Variants in TNS2 observed in about 807,000 individuals in gnomAD.
The protein encoded by TNS2 is tensin-2.
TNS2 carries 77 observed loss-of-function variants against 155.7 expected under a neutral mutation model. The ratio of observed to expected loss-of-function variants is 0.49; its 90% CI spans 0.41 to 0.60. TNS2 has a LOEUF of 0.60. TNS2 is among the 20% of genes least tolerant of loss of function. The pLI is 0.00. For missense variants in TNS2, 1,703 were observed against 1,868.8 expected (o/e 0.91, Z 1.64); for synonymous variants, 726 against 763.9 (o/e 0.95, Z 0.82).
rs1028019642 is a variant in TNS2, at chr12:53,059,454, C to T, written c.1813C>T (p.Pro605Ser). 11 of 1,512,038 alleles carry T rather than the reference C, an allele frequency of 7.3e-6. No homozygotes were observed. The highest frequency in any genetic ancestry group is 8.8e-6 in the Non-Finnish European group (10 of 1,135,234). The allele number at this position is 1,512,038 out of a possible 1,614,324, so 93.7% of individuals were successfully genotyped here. A position where few individuals can be genotyped will look rare whatever the true frequency, so the allele number is the denominator to read the frequency against. ...RQGYREPCGV[P>S]NGGYYRPEGT... ...GGGCTACCGGGAGCCCTGCGGGGTTCCCAATGGGGGCTACTACCGGCCAGA... is the reference window on the plus strand; with the variant it reads ...GGGCTACCGGGAGCCCTGCGGGGTTTCCAATGGGGGCTACTACCGGCCAGA... The change falls in exon 18 of 29, where the codon CCC becomes TCC. Residue 605 changes from proline (P) to serine (S), a missense_variant. By Grantham distance (74) the Pro-to-Ser change is moderately conservative. Coordinates refer to ENST00000314250, the MANE Select transcript of TNS2 (RefSeq NM_170754.4). The surrounding 1 kb of genome is among the most constrained non-coding windows in gnomAD (Gnocchi z 4.7).
Position 53,059,544 on chromosome 12 carries a change from G to A in TNS2, c.1903G>A (p.Glu635Lys), listed in dbSNP as rs375303567. The A allele has an allele frequency of 5.3e-5, 85 of 1,592,266 alleles. No individual in the cohort carries two copies. The highest frequency in any genetic ancestry group is 1.4e-4 in the Admixed American group (8 of 56,868). Residue 635 changes from glutamate to lysine, a missense_variant, in exon 18 of 29, where the codon GAG (glutamate) becomes AAG (lysine). Coordinates refer to ENST00000314250, the MANE Select transcript of TNS2 (RefSeq NM_170754.4). The surrounding 1 kb of genome is among the most constrained non-coding windows in gnomAD (Gnocchi z 4.7). ...TGAGGGATCCCCCCAGGGCTACGCC[G>A]AGGCCTCGATGGAGAAGAGGCGCCT... ...GYEGSPQGYA[E>K]ASMEKRRLCR...
At chr12:53,054,726 G>A (rs988596072) in intron 7 of TNS2, among the ~76,000 whole-genome samples, 1 of 151,968 alleles carries the variant, frequency 6.6e-6, no homozygotes, top group African/African-American at 2.4e-5. Flanking sequence ...CCAGGCTGGA[G>A]TGCAGTGGCA....
rs1248174097 is a variant in TNS2 at position 53,064,263 on chromosome 12, G to C, written c.*381G>C. 1.8e-5 allele frequency: 4 copies of C among 223,114 alleles called. No homozygotes were observed. The highest frequency in any genetic ancestry group is 9.1e-5 in the African/African-American group (4 of 43,950). 13.8% of individuals were successfully genotyped at this position (223,114 alleles called of 1,614,324 possible). A position where few individuals can be genotyped will look rare whatever the true frequency, so the allele number is the denominator to read the frequency against. ...GCACGGCAGGGATGGGAGAGGGGTG[G>C]GGAGCGAGTCACTGCCTCCTCTGAG... is the stretch of plus-strand genomic sequence containing the variant. On this transcript the variant is annotated 3_prime_UTR_variant, in exon 29 of 29. Transcript: ENST00000314250.
At position 53,060,517 on chromosome 12, in the gene TNS2, G is replaced by A. The variant is rs780852630; in HGVS notation, c.2730G>A (p.Thr910=). ...CGTCAGAGTTGTCTGGTCCCTCCAC[G>A]CCCCTGCACACCAGCAGTCCAGTCC... is the stretch of plus-strand genomic sequence containing the variant. ...SASSELSGPS[T]PLHTSSPVQG... The change falls in exon 19 of 29, where the codon ACG becomes ACA. Residue 910 remains threonine, a synonymous_variant. Coordinates refer to ENST00000314250, the MANE Select transcript of TNS2 (RefSeq NM_170754.4). This position sits in a 1 kb window ranked among gnomAD's most constrained non-coding sequence, Gnocchi z 6.1. 2.9e-5 allele frequency: 46 copies of A among 1,613,650 alleles called. No homozygotes were observed. The highest frequency in any genetic ancestry group is 2.3e-4 in the South Asian group (21 of 91,090).
At chr12:53,058,916 C>T in intron 17 of TNS2, 89 bp downstream of exon 17, 1 of 1,567,612 alleles carries the variant, frequency 6.4e-7, no homozygotes, top group Non-Finnish European at 8.7e-7. Flanking sequence ...CCCTCCTCCC[C>T]AGGCAGAGCC....
intron 1 of TNS2, 87 bp from the exon 2 acceptor site, chr12:53,051,768 A>G: frequency 2.0e-6 from 2 of 999,182 alleles, no homozygotes; most frequent in South Asian, 3.0e-5. Flanking sequence ...AAACCAGTGC[A>G]GTGCTAAGGC....
In TNS2 at chr12:53,059,117, G is replaced by A; in HGVS notation, c.1476G>A (p.Gln492=). ...PYAQVQRPPR[Q]TPPAPSPEPP... ...CCCAGGTGCAGCGGCCTCCCCGGCA[G>A]ACCCCCCCGGCACCCTCTCCAGAGC... is the stretch of plus-strand genomic sequence containing the variant. The change falls in exon 18 of 29, where the codon CAG becomes CAA. Residue 492 remains glutamine (Q), a synonymous_variant. Coordinates refer to ENST00000314250, the MANE Select transcript of TNS2 (RefSeq NM_170754.4). This position sits in a 1 kb window ranked among gnomAD's most constrained non-coding sequence, Gnocchi z 4.7. 6.4e-7 allele frequency: 1 copy of A among 1,552,496 alleles called. No individual in the cohort carries two copies. The highest frequency in any genetic ancestry group is 8.6e-7 in the Non-Finnish European group (1 of 1,157,414).
In TNS2 at chr12:53,058,473, T is replaced by A. The variant is rs771911413; in HGVS notation, c.1225+28T>A. ...GAGTCTGAGACAAGTGGCCTGGGGC[T>A]GGAGTCCAGGTGGCAGGCAGGTGGC... is the stretch of plus-strand genomic sequence containing the variant. On this transcript the variant is annotated intron_variant, in intron 15 of 28. Coordinates refer to ENST00000314250, the MANE Select transcript of TNS2 (RefSeq NM_170754.4). 12 of 1,613,876 alleles carry A rather than the reference T, an allele frequency of 7.4e-6. No individual in the cohort carries two copies. The South Asian group carries it at 1.2e-4, about 16-fold the overall frequency.
In TNS2 at chr12:53,063,903, G is replaced by A. The variant is rs373971516; in HGVS notation, c.*21G>A. 1.1e-5 allele frequency: 18 copies of A among 1,612,686 alleles called. No individual in the cohort carries two copies. The highest frequency in any genetic ancestry group is 4.5e-5 in the East Asian group (2 of 44,880). On this transcript the variant is annotated 3_prime_UTR_variant, in exon 29 of 29. Coordinates refer to ENST00000314250, the MANE Select transcript of TNS2 (RefSeq NM_170754.4). The surrounding 1 kb of genome is among the most constrained non-coding windows in gnomAD (Gnocchi z 5.6). ...AATGAAGGAAGGCCACAAGCTCAGA[G>A]CCCACATCAACACTGCCCCCCTCCC...
chr12:53,053,624 T>C, intron 4 of TNS2, 150 bp from the exon 5 acceptor site: 1 of 1,373,848 alleles, frequency 7.3e-7, no homozygotes, highest in Admixed American at 2.3e-5. Context: ...CTTGTGCCCT[T>C]GGGCCTGCTG....
chr12:53,059,567 C>T lies in TNS2; in HGVS notation c.1926C>T (p.Arg642=). ...CCGAGGCCTCGATGGAGAAGAGGCGCCTCTGCCGATCGCTGTCAGAGGGGC... is the reference window on the plus strand; with the variant it reads ...CCGAGGCCTCGATGGAGAAGAGGCGTCTCTGCCGATCGCTGTCAGAGGGGC... The part of the protein sequence containing the change: ...GYAEASMEKR[R]LCRSLSEGLY... Residue 642 remains arginine (R), a synonymous_variant, in exon 18 of 29, where the codon CGC becomes CGT. Coordinates refer to ENST00000314250, the MANE Select transcript of TNS2 (RefSeq NM_170754.4). The surrounding 1 kb of genome is among the most constrained non-coding windows in gnomAD (Gnocchi z 4.7). 1 of 1,599,212 alleles carries T rather than the reference C, an allele frequency of 6.3e-7. No homozygotes were observed.
intron 3 of TNS2, chr12:53,053,109 GTC>G (rs1944000267): frequency 7.0e-6 from 3 of 428,320 alleles, no homozygotes; most frequent in Non-Finnish European, 1.3e-5. Context: ...AGAAGCCAGT[GTC>G]CATCCCTGGC....
At position 53,053,452 on chromosome 12, in the gene TNS2, G is replaced by A. The variant is rs547347317; in HGVS notation, c.261+3G>A. ...AGGCCTTGCCTCCCGTGGAGTTGGT[G>A]AGTGCGCTCTGGGATGGGGTGGGGA... On this transcript the variant is annotated splice_donor_region_variant and intron_variant, in intron 4 of 28. Transcript: ENST00000314250. 2.2e-5 allele frequency: 35 copies of A among 1,614,038 alleles called. No homozygotes were observed. The Admixed American group carries it at 4.8e-4, about 22-fold the overall frequency.
intron 15 of TNS2, 50 bp downstream of exon 15, chr12:53,058,495 T>C: frequency 1.2e-6 from 2 of 1,603,466 alleles, no homozygotes; most frequent in Non-Finnish European, 1.7e-6. Flanking sequence ...GGCAGGCAGG[T>C]GGCAGGCAGG....
Position 53,060,613 on chromosome 12 carries a change from C to T in TNS2, c.2768+58C>T, listed in dbSNP as rs2121156665. 2 of 1,595,800 alleles carry T rather than the reference C, an allele frequency of 1.3e-6. No individual in the cohort carries two copies. The highest frequency in any genetic ancestry group is 2.2e-5 in the East Asian group (1 of 44,498). Reference sequence around the variant, plus strand: ...TTCTTGTCCAAGCAGTTGATGAAGGCAGGTGGGGTGGGAGCAGCCACAATG... The same window carrying T: ...TTCTTGTCCAAGCAGTTGATGAAGGTAGGTGGGGTGGGAGCAGCCACAATG... On this transcript the variant is annotated intron_variant, in intron 19 of 28. Coordinates refer to ENST00000314250, the MANE Select transcript of TNS2 (RefSeq NM_170754.4). This position sits in a 1 kb window ranked among gnomAD's most constrained non-coding sequence, Gnocchi z 6.1.
chr12:53,060,775 G>A lies in TNS2; in HGVS notation c.2869G>A (p.Ala957Thr), dbSNP rs760130401. Residue 957 changes from alanine (A) to threonine (T), a missense_variant, in exon 20 of 29, where the codon GCC becomes ACC. Transcript: ENST00000314250. This position sits in a 1 kb window ranked among gnomAD's most constrained non-coding sequence, Gnocchi z 6.1. The stretch of plus-strand genomic sequence containing the variant: ...TGTTTCCCAGGCAGGCACCGGAAAG[G>A]CCCCTGAGCTGCCGTCGGGAAGTGG... ...PPVSQAGTGK[A>T]PELPSGSGPE... 7 of 1,612,024 alleles carry A rather than the reference G, an allele frequency of 4.3e-6. No individual in the cohort carries two copies. In the Admixed American group the frequency reaches 1.2e-4, roughly 27 times the overall value.
rs1185654857 is a variant in TNS2 at position 53,059,092 on chromosome 12, C to T, written c.1451C>T (p.Ala484Val). The change falls in exon 18 of 29, where the codon GCC becomes GTC. Residue 484 changes from alanine (A) to valine (V), a missense_variant. By Grantham distance (64) the Ala-to-Val change is moderately conservative (BLOSUM62 0). Transcript: ENST00000314250. The surrounding 1 kb of genome is among the most constrained non-coding windows in gnomAD (Gnocchi z 4.7). ...GGTCCCCTGGATGGCAGTCCTTATGCCCAGGTGCAGCGGCCTCCCCGGCAG... is the reference window on the plus strand; with the variant it reads ...GGTCCCCTGGATGGCAGTCCTTATGTCCAGGTGCAGCGGCCTCCCCGGCAG... The part of the protein sequence containing the change: ...TRGPLDGSPY[A>V]QVQRPPRQTP... 1 of 1,547,338 alleles carries T rather than the reference C, an allele frequency of 6.5e-7. No individual in the cohort carries two copies. The highest frequency in any genetic ancestry group is 8.7e-7 in the Non-Finnish European group (1 of 1,152,486).
intron 5 of TNS2, 35 bp from the exon 6 acceptor site, chr12:53,053,930 A>T: frequency 6.2e-7 from 1 of 1,614,158 alleles, no homozygotes; most frequent in Non-Finnish European, 8.5e-7. Flanking sequence ...GGGGGTACCC[A>T]AAGAGATGTC....
chr12:53,059,430 G>T lies in TNS2; in HGVS notation c.1789G>T (p.Gly597Cys). 1.3e-6 allele frequency: 2 copies of T among 1,487,350 alleles called. No homozygotes were observed. The highest frequency in any genetic ancestry group is 1.8e-6 in the Non-Finnish European group (2 of 1,121,354). 92.1% of individuals were successfully genotyped at this position (1,487,350 alleles called of 1,614,324 possible). Residue 597 changes from glycine to cysteine, a missense_variant, in exon 18 of 29, where the codon GGC becomes TGC. Physicochemically the swap from Gly to Cys is radical, Grantham distance 159 (BLOSUM62 -3). Transcript: ENST00000314250. This position sits in a 1 kb window ranked among gnomAD's most constrained non-coding sequence, Gnocchi z 4.7. ...CAGCCGCCACTGCTCCTGCCGCCAGGGCTACCGGGAGCCCTGCGGGGTTCC... is the reference window on the plus strand; with the variant it reads ...CAGCCGCCACTGCTCCTGCCGCCAGTGCTACCGGGAGCCCTGCGGGGTTCC... ...GLSRHCSCRQGYREPCGVPNG... is the reference protein window; with the variant it reads ...GLSRHCSCRQCYREPCGVPNG...
Sources: allele counts gnomAD v4.1 joint callset (sites outside exome capture counted in the v4.1 genomes callset), GRCh38; gene constraint gnomAD v4.1.1; non-coding constraint Gnocchi (gnomAD v3.1); transcripts MANE v1.5; gene names NCBI Gene and HGNC (gene_info 2026-07-23, HGNC 2026-07-21).